The following TMEM131 variants were observed in gnomAD, a reference collection of about 807,000 sequenced individuals.
TMEM131 encodes the protein transmembrane protein 131, also known as 2610524E03Rik.
A neutral mutation model predicts 211.6 loss-of-function variants in TMEM131; 66 were observed. The ratio of observed to expected loss-of-function variants is 0.31; its 90% CI spans 0.26 to 0.38. TMEM131 has a LOEUF of 0.38. Among genes scored for constraint, TMEM131 ranks in the 10% least tolerant of loss-of-function variants. The pLI, the probability that TMEM131 is intolerant of heterozygous loss-of-function variation, is 1.00. For synonymous variants in TMEM131, 844 were observed against 841.3 expected (o/e 1.00, Z -0.06); for missense variants, 2,036 against 2,299.3 (o/e 0.89, Z 2.34).
At chr2:97,838,069 T>C (rs1683013410) in intron 7 of TMEM131, among the ~76,000 whole-genome samples, 1 of 152,228 alleles carries the variant, frequency 6.6e-6, no homozygotes, top group African/African-American at 2.4e-5. Context: ...TCACTTCTAT[T>C]TGATGACTAT....
chr2:97,818,588 CA>C (rs1681959327), intron 12 of TMEM131, 24 bp downstream of exon 12: 1 of 1,424,084 alleles, frequency 7.0e-7, no homozygotes, highest in Non-Finnish European at 9.8e-7. Context: ...ATCACTCTAT[CA>C]GAGAGAAAAT....
intron 1 of TMEM131, among the ~76,000 whole-genome samples, chr2:97,947,959 T>C (rs1223431454): frequency 6.6e-6 from 1 of 152,184 alleles, no homozygotes; most frequent in Non-Finnish European, 1.5e-5. Context: ...TAAGTCATGC[T>C]GGTACAAATG....
chr2:97,941,881 T>G (rs769529042), intron 1 of TMEM131, among the ~76,000 whole-genome samples: 1 of 152,236 alleles, frequency 6.6e-6, no homozygotes, highest in Non-Finnish European at 1.5e-5. Context: ...TTGGTGGGAC[T>G]GTAAACTAGT....
intron 2 of TMEM131, among the ~76,000 whole-genome samples, chr2:97,922,037 C>T (rs1676762613): frequency 6.6e-6 from 1 of 152,174 alleles, no homozygotes; most frequent in African/African-American, 2.4e-5. Context: ...ATTTCTGGCA[C>T]CAGGGACTGG....
Position 97,812,564 on chromosome 2 carries a change from A to C in TMEM131, c.1729-9T>G. ...CAACTTTTTATAGCCAACTTTAAAA[A>C]AAGATATGAAAATGATTATCACAAC... On this transcript the variant is annotated splice_polypyrimidine_tract_variant and intron_variant, in intron 16 of 40. Coordinates refer to ENST00000186436, the MANE Select transcript of TMEM131 (RefSeq NM_015348.2). The C allele has an allele frequency of 1.3e-6, 2 of 1,596,996 alleles. No individual in the cohort carries two copies. Among genetic ancestry groups the C allele is most frequent in the African/African-American group, 2.7e-5 (2 of 73,838 alleles).
chr2:97,927,412 TAA>T lies in TMEM131; in HGVS notation c.249+12_249+13del. 1 of 1,561,132 alleles carries T rather than the reference TAA, an allele frequency of 6.4e-7. No individual in the cohort carries two copies. The highest frequency in any genetic ancestry group is 8.7e-7 in the Non-Finnish European group (1 of 1,151,532). ...AAGGCTTAACAATAACTTGTCTACT[TAA>T]AAAAAAATTACCTGTAGTAGCCCTC... On this transcript the variant is annotated intron_variant, in intron 2 of 40. Coordinates refer to ENST00000186436, the MANE Select transcript of TMEM131 (RefSeq NM_015348.2).
Position 97,792,503 on chromosome 2 carries a change from C to T in TMEM131, c.4027G>A (p.Glu1343Lys), listed in dbSNP as rs1210111390. The change falls in exon 31 of 41, where the codon GAG becomes AAG. Residue 1343 changes from glutamate to lysine, a missense_variant. Physicochemically the swap from Glu to Lys is moderately conservative, Grantham distance 56. Around this residue, in one of 3 missense-constraint regions of TMEM131, gnomAD observed 1,623 missense variants for 1,805.9 expected, o/e 0.90. Transcript: ENST00000186436. The part of the protein sequence containing the change: ...ERASSARHSS[E>K]DSDITSLIEA... ...ATGAGACTGGTGATGTCCGAGTCCT[C>T]GGAACTGTGCCTCGCGCTGCTGGCA... 9 of 1,613,384 alleles carry T rather than the reference C, an allele frequency of 5.6e-6. No homozygotes were observed. Among genetic ancestry groups the T allele is most frequent in the African/African-American group, 1.3e-5 (1 of 74,880 alleles).
At position 97,766,048 on chromosome 2, in the gene TMEM131, C is replaced by T. The variant is rs1424061834; in HGVS notation, c.4723+66G>A. On this transcript the variant is annotated intron_variant, in intron 35 of 40. Coordinates refer to ENST00000186436, the MANE Select transcript of TMEM131 (RefSeq NM_015348.2). Reference sequence around the variant, plus strand: ...TAAAGCAACATGCCCCTGAAGAGTTCCATGCCCAGAGTGGGGTGGATTGTG... The same window carrying T: ...TAAAGCAACATGCCCCTGAAGAGTTTCATGCCCAGAGTGGGGTGGATTGTG... 8 of 1,588,176 alleles carry T rather than the reference C, an allele frequency of 5.0e-6. No individual in the cohort carries two copies. The East Asian group carries it at 1.6e-4, about 31-fold the overall frequency.
In TMEM131 at chr2:97,762,573, G is replaced by C. The variant is rs1678912418; in HGVS notation, c.4724-373C>G. 1.8e-5 allele frequency: 4 copies of C among 217,068 alleles called. No individual in the cohort carries two copies. The South Asian group carries it at 2.4e-4, about 13-fold the overall frequency. The allele number at this position is 217,068 out of a possible 1,614,324, so 13.4% of individuals were successfully genotyped here. The stretch of plus-strand genomic sequence containing the variant: ...CCTACACGCAGGTTTACAGCTGTGG[G>C]AGGTGCAGTGTTCCGGGCTGAATCC... On this transcript the variant is annotated intron_variant, in intron 35 of 40. Coordinates refer to ENST00000186436, the MANE Select transcript of TMEM131 (RefSeq NM_015348.2).
intron 1 of TMEM131, among the ~76,000 whole-genome samples, chr2:97,929,143 A>G (rs1443976257): frequency 2.6e-5 from 4 of 151,560 alleles, no homozygotes; most frequent in Non-Finnish European, 4.4e-5. Flanking sequence ...ACGAGATGAG[A>G]ATGGAGCATC....
intron 21 of TMEM131, 58 bp downstream of exon 21, chr2:97,805,314 TCTTA>T: frequency 6.3e-7 from 1 of 1,581,484 alleles, no homozygotes; most frequent in Non-Finnish European, 8.6e-7. Context: ...AGTGGCGGCC[TCTTA>T]CTAAAAGAGT....
At chr2:97,760,740 T>C (rs1678792167) in intron 37 of TMEM131, 51 bp from the exon 38 acceptor site, 1 of 1,613,976 alleles carries the variant, frequency 6.2e-7, no homozygotes, top group Non-Finnish European at 8.5e-7. Flanking sequence ...ACAGAGGTCA[T>C]TCCACCAGGC....
At chr2:97,889,264 C>G (rs891280323) in intron 3 of TMEM131, among the ~76,000 whole-genome samples, 2 of 152,110 alleles carry the variant, frequency 1.3e-5, no homozygotes, top group African/African-American at 4.8e-5. Flanking sequence ...AAAAAGAAAG[C>G]AAGCACCAAA....
intron 1 of TMEM131, among the ~76,000 whole-genome samples, chr2:97,977,361 C>T (rs755431173): frequency 6.6e-6 from 1 of 152,096 alleles, no homozygotes; most frequent in Admixed American, 6.5e-5. Flanking sequence ...TGTGAAAAGA[C>T]ACTTTACCAA....
chr2:97,910,403 A>G (rs1377894813), intron 2 of TMEM131, among the ~76,000 whole-genome samples: 2 of 152,196 alleles, frequency 1.3e-5, no homozygotes, highest in African/African-American at 4.8e-5. Context: ...AACTGAAAAC[A>G]GGGGCTCAAA....
At chr2:97,989,998 CA>C (rs994401801) in intron 1 of TMEM131, among the ~76,000 whole-genome samples, 4 of 152,218 alleles carry the variant, frequency 2.6e-5, no homozygotes, top group African/African-American at 4.8e-5. Flanking sequence ...ATGCCACTAC[CA>C]GCCCTTGCAT....
chr2:97,972,044 C>T (rs1192125819), intron 1 of TMEM131, among the ~76,000 whole-genome samples: 2 of 151,340 alleles, frequency 1.3e-5, no homozygotes, highest in African/African-American at 4.9e-5. Flanking sequence ...CCCATCTCTA[C>T]TAAAACTACA....
intron 1 of TMEM131, among the ~76,000 whole-genome samples, chr2:97,981,028 CAAAAAAAAAAAAAAAAAAAAAAAAAA>C (rs57606185): frequency 2.6e-5 from 1 of 37,950 alleles, no homozygotes; most frequent in Non-Finnish European, 4.6e-5. Flanking sequence ...AACTACACAC[CAAAAAAAAAAAAAAAAAAAAAAAAAA>C]AAAAAAAAAA....
chr2:97,973,983 A>G (rs1031667873), intron 1 of TMEM131, among the ~76,000 whole-genome samples: 1 of 152,240 alleles, frequency 6.6e-6, no homozygotes, highest in African/African-American at 2.4e-5. Context: ...CTGGCATCCA[A>G]TCAAAGATTA....
Sources: allele counts gnomAD v4.1 joint callset (sites outside exome capture counted in the v4.1 genomes callset), GRCh38; gene constraint gnomAD v4.1.1; regional missense constraint gnomAD v4.1.1; transcripts MANE v1.5; gene names NCBI Gene and HGNC (gene_info 2026-07-23, HGNC 2026-07-21).